GTPBP6: variants seen among roughly 807,000 people sequenced by gnomAD.
GTPBP6 encodes the protein GTP binding protein 6.
GTPBP6 carries 33 observed loss-of-function variants against 28.9 expected under a neutral mutation model. That is an observed-to-expected ratio of 1.14 (90% CI 0.87 to 1.53). GTPBP6 has a LOEUF of 1.53. Among genes scored for constraint, GTPBP6 ranks in the 40% most tolerant of loss-of-function variants. The pLI, the probability that GTPBP6 is intolerant of heterozygous loss-of-function variation, is 0.00. For missense variants in GTPBP6, 507 were observed against 408.3 expected, an observed-to-expected ratio of 1.24 and a Z score of -2.08; for synonymous variants, 231 against 192.7, an observed-to-expected ratio of 1.20 and a Z score of -1.65.
chrX:304,814 C>A, exon 10 of GTPBP6: 1 of 1,385,410 alleles, frequency 7.2e-7, no homozygotes, highest in Non-Finnish European at 9.3e-7. Flanking sequence ...AAGCAGTTCA[C>A]AGCAGGCACC....
At chrX:307,659 C>T (rs776403471) in intron 8 of GTPBP6, 73 bp downstream of exon 8, 42 of 1,424,734 alleles carry the variant, frequency 2.9e-5, no homozygotes, top group South Asian at 1.4e-4. Context: ...CACGAGGAGA[C>T]GGGGCATCTC....
intron 6 of GTPBP6, 165 bp from the exon 7 acceptor site, chrX:311,792 G>C: frequency 4.7e-6 from 3 of 637,030 alleles, no homozygotes; most frequent in Non-Finnish European, 8.4e-6. Context: ...CCCGACGCGT[G>C]GGACAAAGCC....
At position 315,036 on chromosome X, in the gene GTPBP6, G is replaced by C. The variant is rs1161073621; in HGVS notation, c.559-16C>G. ...CCAGTTCTTTCTGCAAAAGGAGAGA[G>C]CAACTGAGAAGCCACGGGGGAAGGC... On this transcript the variant is annotated splice_polypyrimidine_tract_variant and intron_variant, in intron 3 of 9. Transcript: ENST00000326153. 7 of 398,580 alleles carry C rather than the reference G, an allele frequency of 1.8e-5. No homozygotes were observed. Among genetic ancestry groups the C allele is most frequent in the Admixed American group, 1.3e-4 (3 of 22,722 alleles). 24.7% of individuals were successfully genotyped at this position (398,580 alleles called of 1,614,324 possible).
At chrX:305,169 C>G in exon 10 of GTPBP6, 2 of 1,613,740 alleles carry the variant, frequency 1.2e-6, no homozygotes, top group South Asian at 1.1e-5. Flanking sequence ...ACGTCCACCT[C>G]CTGAACTGTG....
At chrX:314,853 A>G (rs1188835237) in intron 4 of GTPBP6, 37 bp downstream of exon 4, 6 of 399,578 alleles carry the variant, frequency 1.5e-5, no homozygotes, top group Non-Finnish European at 2.2e-5. Context: ...CCGGGAGTGG[A>G]CGTGACGCTC....
intron 9 of GTPBP6, among the ~76,000 whole-genome samples, chrX:306,536 A>G (rs2070169615): frequency 6.7e-6 from 1 of 149,626 alleles, no homozygotes; most frequent in Middle Eastern, 3.5e-3. Flanking sequence ...TTTTGTCAGC[A>G]CAGATTAGGC....
rs943418536 is a variant in GTPBP6 at position 311,294 on chromosome X, G to A, written c.1125+125C>T. The A allele has an allele frequency of 1.2e-3, 563 of 487,198 alleles. 12 individuals are homozygous for A. The highest frequency in any genetic ancestry group is 1.4e-3 in the Non-Finnish European group (410 of 295,020). 30.2% of individuals were successfully genotyped at this position (487,198 alleles called of 1,614,324 possible). On this transcript the variant is annotated intron_variant, in intron 7 of 9. Coordinates refer to ENST00000326153, the Ensembl canonical transcript of GTPBP6. ...TGGCCCCTGGGCTGAGTGGGTGTCC[G>A]AGGGCCCGGCCCCTGGGCTGAGTGG...
At chrX:311,506 C>G (rs191481880) in exon 7 of GTPBP6, 1 of 1,612,306 alleles carries the variant, frequency 6.2e-7, no homozygotes, top group Non-Finnish European at 8.5e-7. Context: ...TGTCCACGTA[C>G]AGGACGGTCA....
chrX:311,863 G>C, intron 6 of GTPBP6: 1 of 599,408 alleles, frequency 1.7e-6, no homozygotes, highest in Non-Finnish European at 3.0e-6. Context: ...GGAGATGGTG[G>C]TGTGGACGGG....
chrX:306,479 G>A (rs2070167747), intron 9 of GTPBP6, among the ~76,000 whole-genome samples: 1 of 147,406 alleles, frequency 6.8e-6, no homozygotes, highest in Non-Finnish European at 1.5e-5. Context: ...TACATTGAGT[G>A]TCAGCACACA....
intron 1 of GTPBP6, among the ~76,000 whole-genome samples, chrX:317,953 C>G (rs1368470294): frequency 2.0e-5 from 3 of 147,754 alleles, no homozygotes; most frequent in Non-Finnish European, 4.5e-5. Context: ...AGCCCCGCCC[C>G]CGCATCACCA....
chrX:308,957 T>C (rs2070229639), intron 7 of GTPBP6, among the ~76,000 whole-genome samples: 1 of 151,962 alleles, frequency 6.6e-6, no homozygotes, highest in African/African-American at 2.4e-5. Flanking sequence ...TCTCCTGACC[T>C]GAAGTGATCC....
At chrX:317,893 C>T (rs1420291181) in intron 1 of GTPBP6, among the ~76,000 whole-genome samples, 5 of 146,426 alleles carry the variant, frequency 3.4e-5, no homozygotes, top group Middle Eastern at 3.5e-3. Context: ...CCATGGGCTC[C>T]TCCCCCGAAC....
chrX:316,458 C>A (rs1403403498), intron 2 of GTPBP6, among the ~76,000 whole-genome samples: 1 of 152,138 alleles, frequency 6.6e-6, no homozygotes, highest in African/African-American at 2.4e-5. Context: ...AGCCGACCCC[C>A]ACCTGGGCAA....
chrX:312,893 G>C lies in GTPBP6; in HGVS notation c.789C>G (p.Leu263=), dbSNP rs781651926. ...TGATCTTGGCCTCCTTCTCTCTCAG[G>C]AGACGCTGCTGCAGCTGCATGAAGG... is the stretch of plus-strand genomic sequence containing the variant. The change falls in exon 6 of 10, where the codon CTC becomes CTG. Residue 263 remains leucine (L), a synonymous_variant. Transcript: ENST00000326153. 9 of 1,612,674 alleles carry C rather than the reference G, an allele frequency of 5.6e-6. No homozygotes were observed. In the Admixed American group the frequency reaches 1.5e-4, roughly 27 times the overall value.
At chrX:318,361 T>A (rs2070479025) in intron 1 of GTPBP6, 78 bp downstream of exon 1, 1 of 348,116 alleles carries the variant, frequency 2.9e-6, no homozygotes, top group Non-Finnish European at 4.9e-6. Context: ...AATCTCCACC[T>A]ATGAGCCCCC....
chrX:306,842 AG>A (rs2070178402), intron 9 of GTPBP6, among the ~76,000 whole-genome samples: 1 of 150,002 alleles, frequency 6.7e-6, no homozygotes, highest in East Asian at 2.0e-4. Flanking sequence ...GTATATTTTG[AG>A]TGTCAGCACA....
rs2070117575 is a variant in GTPBP6 at position 304,777 on chromosome X, G to A, written c.*297C>T. 4 of 1,303,350 alleles carry A rather than the reference G, an allele frequency of 3.1e-6. No individual in the cohort carries two copies. In the African/African-American group the frequency reaches 4.5e-5, roughly 15 times the overall value. 80.7% of individuals were successfully genotyped at this position (1,303,350 alleles called of 1,614,324 possible). ...ACGGAAGTAAAATCAAAGGTTTAAT[G>A]TCCTGTTACGGAAACATTCCGAGGG... is the stretch of plus-strand genomic sequence containing the variant. On this transcript the variant is annotated 3_prime_UTR_variant, in exon 10 of 10. Transcript: ENST00000326153.
At chrX:307,184 C>T (rs2070188449) in intron 9 of GTPBP6, among the ~76,000 whole-genome samples, 176 bp downstream of exon 9, 1 of 125,280 alleles carries the variant, frequency 8.0e-6, no homozygotes, top group South Asian at 2.2e-4. Flanking sequence ...AGATTAGGCA[C>T]CTCTTGTATG....
Sources: allele counts gnomAD v4.1 joint callset (sites outside exome capture counted in the v4.1 genomes callset), GRCh38; gene constraint gnomAD v4.1.1; transcripts MANE v1.5; gene names NCBI Gene and HGNC (gene_info 2026-07-23, HGNC 2026-07-21).